The following KLHL32 variants were observed in gnomAD, a reference collection of about 807,000 sequenced individuals.
KLHL32 encodes kelch-like protein 32.
KLHL32 carries 35 observed loss-of-function variants against 64.8 expected under a neutral mutation model. The ratio of observed to expected loss-of-function variants is 0.54; its 90% confidence interval spans 0.41 to 0.72. KLHL32 has a LOEUF of 0.72. KLHL32 is among the 30% of genes least tolerant of loss of function. KLHL32 has a pLI of 0.00. For missense variants in KLHL32, 589 were observed against 768.5 expected (o/e 0.77, Z 2.76); for synonymous variants, 259 against 281.0 (o/e 0.92, Z 0.78).
At chr6:97,056,096 C>CTGTTT (rs1787828087) in intron 4 of KLHL32, among the ~76,000 whole-genome samples, 1 of 123,802 alleles carries the variant, frequency 8.1e-6, no homozygotes, top group East Asian at 2.4e-4. Context: ...CTTTTTTTTT[C>CTGTTT]TTTTTTTTTC....
intron 7 of KLHL32, among the ~76,000 whole-genome samples, chr6:97,117,667 A>G (rs1797941383): frequency 6.6e-6 from 1 of 152,212 alleles, no homozygotes; most frequent in Admixed American, 6.5e-5. Context: ...GTTCCATACC[A>G]TTTTGATTTG....
At chr6:97,086,983 T>G (rs1481419455) in intron 6 of KLHL32, among the ~76,000 whole-genome samples, 1 of 152,226 alleles carries the variant, frequency 6.6e-6, no homozygotes, top group Non-Finnish European at 1.5e-5. Context: ...TGCCAGAGAT[T>G]GACGTGGTAA....
intron 1 of KLHL32, among the ~76,000 whole-genome samples, chr6:96,946,114 C>T (rs1771886931): frequency 6.6e-6 from 1 of 151,770 alleles, no homozygotes; most frequent in South Asian, 2.1e-4. Flanking sequence ...TTCACTTTAC[C>T]AAAGAAGTAT....
chr6:97,078,888 G>A (rs1792029798), intron 5 of KLHL32, among the ~76,000 whole-genome samples: 1 of 152,204 alleles, frequency 6.6e-6, no homozygotes, highest in Non-Finnish European at 1.5e-5. Context: ...CTGCAGTGTG[G>A]ATGGGCAAGG....
chr6:97,007,442 G>A (rs1026828224), intron 3 of KLHL32, among the ~76,000 whole-genome samples: 5 of 152,046 alleles, frequency 3.3e-5, no homozygotes, highest in Non-Finnish European at 7.4e-5. Context: ...TCTTGAATAT[G>A]GATGATCTTT....
In KLHL32 at chr6:97,005,366, C is replaced by G. The variant is rs1779539996; in HGVS notation, c.204+29189C>G. On this transcript the variant is annotated intron_variant, in intron 3 of 10. Transcript: ENST00000369261. The stretch of plus-strand genomic sequence containing the variant: ...CTGTTTGTGTTTTTTTAGATCTTCT[C>G]TCTTTTTTTCTTTATTAATCTAGGT... Among the ~76,000 whole-genome samples the G allele has an allele frequency of 2.0e-5, 3 of 151,910 alleles. No individual in the cohort carries two copies. In the South Asian group the frequency reaches 6.2e-4, roughly 32 times the overall value.
chr6:97,110,479 C>T (rs1374200650), intron 6 of KLHL32, among the ~76,000 whole-genome samples: 1 of 152,144 alleles, frequency 6.6e-6, no homozygotes, highest in East Asian at 1.9e-4. Flanking sequence ...TTTCTGGAGC[C>T]CTTTTTCAAC....
rs185151810 is a variant in KLHL32 at position 97,023,725 on chromosome 6, C to A, written c.205-17767C>A. Among the ~76,000 whole-genome samples, 3 of 152,290 alleles carry A rather than the reference C, an allele frequency of 2.0e-5. No homozygotes were observed. In the East Asian group the frequency reaches 5.8e-4, roughly 29 times the overall value. ...TTTCTCAGATCCAGCTGGCCTAGTT[C>A]TACATGGATAGTATCACCTGAAGCC... On this transcript the variant is annotated intron_variant, in intron 3 of 10. Coordinates refer to ENST00000369261, the MANE Select transcript of KLHL32 (RefSeq NM_052904.4).
At chr6:97,045,029 A>G (rs75123193) in intron 4 of KLHL32, among the ~76,000 whole-genome samples, 2,831 of 152,224 alleles carry the variant, frequency 0.019, 244 homozygotes, top group Admixed American at 0.15. Flanking sequence ...GAGGCTTATT[A>G]AAACGTATGA....
At chr6:97,134,260 G>A (rs1799753820) in intron 10 of KLHL32, among the ~76,000 whole-genome samples, 1 of 152,130 alleles carries the variant, frequency 6.6e-6, no homozygotes, top group Admixed American at 6.5e-5. Context: ...CAGGAGAAAA[G>A]AATTATCAAA....
At chr6:97,120,660 A>T (rs184992258) in intron 7 of KLHL32, among the ~76,000 whole-genome samples, 2 of 152,144 alleles carry the variant, frequency 1.3e-5, no homozygotes, top group Non-Finnish European at 2.9e-5. Flanking sequence ...TTGAGGGAGA[A>T]AAGTGTGTGT....
intron 3 of KLHL32, among the ~76,000 whole-genome samples, chr6:97,008,246 G>A (rs1398960569): frequency 6.6e-6 from 1 of 152,046 alleles, no homozygotes; most frequent in Non-Finnish European, 1.5e-5. Flanking sequence ...CCAGTGCACT[G>A]GAACTCTCTG....
chr6:96,936,776 T>C (rs779759807), intron 1 of KLHL32, among the ~76,000 whole-genome samples: 1 of 152,216 alleles, frequency 6.6e-6, no homozygotes, highest in Admixed American at 6.5e-5. Context: ...CCAGACCCTG[T>C]ATACCATCTA....
intron 3 of KLHL32, among the ~76,000 whole-genome samples, chr6:97,034,421 A>T (rs557135940): frequency 6.6e-6 from 1 of 152,080 alleles, no homozygotes; most frequent in African/African-American, 2.4e-5. Flanking sequence ...GTAGCTTTGT[A>T]ATATATTTTG....
chr6:97,052,929 A>G (rs1787173089), intron 4 of KLHL32, among the ~76,000 whole-genome samples: 1 of 152,176 alleles, frequency 6.6e-6, no homozygotes, highest in South Asian at 2.1e-4. Flanking sequence ...GTCTGCTGGG[A>G]AATTTCCATT....
At chr6:97,035,728 T>G (rs550696907) in intron 3 of KLHL32, among the ~76,000 whole-genome samples, 4 of 152,176 alleles carry the variant, frequency 2.6e-5, no homozygotes, top group Non-Finnish European at 5.9e-5. Flanking sequence ...CCCTTATACA[T>G]GACAAGTCAC....
chr6:97,039,873 G>A (rs1025717846), intron 3 of KLHL32, among the ~76,000 whole-genome samples: 9 of 151,852 alleles, frequency 5.9e-5, no homozygotes, highest in Non-Finnish European at 1.2e-4. Flanking sequence ...AAAATCGCTC[G>A]AAGAGAATAA....
rs1175459988 is a variant in KLHL32, at chr6:96,931,401, A to G, written c.-66+6375A>G. Among the ~76,000 whole-genome samples the G allele has an allele frequency of 3.9e-5, 6 of 152,208 alleles. No homozygotes were observed. The South Asian group carries it at 1.2e-3, about 32-fold the overall frequency. ...AACCTAGACAGCAGCAGGAACTGCT[A>G]GCAGCCTACCACATAGGAAGTTAGC... On this transcript the variant is annotated intron_variant, in intron 1 of 10. Transcript: ENST00000369261.
rs1413091961 is a variant in KLHL32, at chr6:97,127,469, A to G, written c.1413+7A>G. ...GGTGTATGAACCTAACCAGGTAAGA[A>G]TCATGTAAGAACACCTCATTATCTT... is the stretch of plus-strand genomic sequence containing the variant. On this transcript the variant is annotated splice_region_variant and intron_variant, in intron 8 of 10. Transcript: ENST00000369261. 3.7e-6 allele frequency: 6 copies of G among 1,606,438 alleles called. No homozygotes were observed. The highest frequency in any genetic ancestry group is 4.3e-6 in the Non-Finnish European group (5 of 1,173,722).
Sources: allele counts gnomAD v4.1 joint callset (sites outside exome capture counted in the v4.1 genomes callset), GRCh38; gene constraint gnomAD v4.1.1; transcripts MANE v1.5; gene names NCBI Gene and HGNC (gene_info 2026-07-23, HGNC 2026-07-21).